SUSD1: variants seen among roughly 807,000 people sequenced by gnomAD.
SUSD1 encodes the protein sushi domain containing 1.
SUSD1 carries 65 observed loss-of-function variants against 86.9 expected under a neutral mutation model. That is an observed-to-expected ratio of 0.75 (90% CI 0.61 to 0.92). The LOEUF (loss-of-function observed/expected upper bound fraction) is 0.92. SUSD1 is among the 40% of genes least tolerant of loss of function. The pLI is 0.00. For missense variants in SUSD1, 850 were observed against 929.7 expected, an observed-to-expected ratio of 0.91 and a Z score of 1.11; for synonymous variants, 346 against 350.0, an observed-to-expected ratio of 0.99 and a Z score of 0.13.
At chr9:112,165,898 A>G (rs10622700) in intron 1 of SUSD1, among the ~76,000 whole-genome samples, 9,929 of 80,682 alleles carry the variant, frequency 0.12, 540 homozygotes, top group African/African-American at 0.13. Context: ...AGAAAGAAAG[A>G]AAGGAAGGAA....
intron 12 of SUSD1, among the ~76,000 whole-genome samples, chr9:112,070,396 G>A (rs1054945789): frequency 6.6e-6 from 1 of 152,186 alleles, no homozygotes; most frequent in African/African-American, 2.4e-5. Flanking sequence ...TTTCGAGGTG[G>A]AACAAACTTG....
chr9:112,143,442 A>G lies in SUSD1; in HGVS notation c.526+29T>C, dbSNP rs554237637. 1.9e-6 allele frequency: 3 copies of G among 1,608,524 alleles called. No homozygotes were observed. In the South Asian group the frequency reaches 3.3e-5, roughly 18 times the overall value. On this transcript the variant is annotated intron_variant, in intron 4 of 16. Transcript: ENST00000374270. Reference sequence around the variant, plus strand: ...TCACCATCAACAGAATTTCACGTTGAGATGCCGCAATTTTTGGCAGAAACC... The same window carrying G: ...TCACCATCAACAGAATTTCACGTTGGGATGCCGCAATTTTTGGCAGAAACC...
At chr9:112,108,220 G>T (rs1172073916) in intron 8 of SUSD1, among the ~76,000 whole-genome samples, 5 of 152,156 alleles carry the variant, frequency 3.3e-5, no homozygotes. Flanking sequence ...TAATTATTCT[G>T]TCAAACAGAA....
chr9:112,143,500 T>C lies in SUSD1; in HGVS notation c.497A>G (p.His166Arg). The C allele has an allele frequency of 6.2e-7, 1 of 1,613,902 alleles. No individual in the cohort carries two copies. Among genetic ancestry groups the C allele is most frequent in the Non-Finnish European group, 8.5e-7 (1 of 1,179,962 alleles). ...YLPRNGPEPFHPTTDATSCTE... is the reference protein window; with the variant it reads ...YLPRNGPEPFRPTTDATSCTE... ...GCATGATGTGGCATCGGTGGTCGGG[T>C]GGAAAGGTTCAGGTCCATTCCTTGG... Residue 166 changes from histidine (H) to arginine (R), a missense_variant, in exon 4 of 17, where the codon CAC (histidine) becomes CGC (arginine). His to Arg is a conservative substitution (Grantham distance 29). Coordinates refer to ENST00000374270, the MANE Select transcript of SUSD1 (RefSeq NM_022486.5).
intron 11 of SUSD1, among the ~76,000 whole-genome samples, chr9:112,079,137 C>CCTCT (rs372661148): frequency 6.7e-6 from 1 of 149,928 alleles, no homozygotes; most frequent in Non-Finnish European, 1.5e-5. Context: ...GAGCTTTCTT[C>CCTCT]CTCTCTCTCT....
intron 10 of SUSD1, among the ~76,000 whole-genome samples, 173 bp downstream of exon 10, chr9:112,098,297 G>A (rs1342902964): frequency 1.3e-5 from 2 of 152,098 alleles, no homozygotes; most frequent in African/African-American, 4.8e-5. Flanking sequence ...CAGGGAAGGG[G>A]ATAAGTGGTA....
chr9:112,056,095 T>C (rs952359328), intron 14 of SUSD1, among the ~76,000 whole-genome samples: 4 of 152,014 alleles, frequency 2.6e-5, no homozygotes, highest in African/African-American at 7.2e-5. Flanking sequence ...ACTCTATCTC[T>C]ACAAGAAATA....
chr9:112,156,282 T>C (rs368663385), intron 2 of SUSD1, among the ~76,000 whole-genome samples: 108 of 151,854 alleles, frequency 7.1e-4, no homozygotes, highest in African/African-American at 2.6e-3. Context: ...CCCAACATGG[T>C]GAAACCCAGT....
intron 3 of SUSD1, among the ~76,000 whole-genome samples, chr9:112,144,435 T>C (rs74567511): frequency 0.027 from 4,146 of 151,984 alleles, 203 homozygotes; most frequent in African/African-American, 0.096. Context: ...CCAATCATTA[T>C]AACAAAAGAA....
chr9:112,062,451 T>C (rs1323254326), intron 13 of SUSD1, among the ~76,000 whole-genome samples: 6 of 152,260 alleles, frequency 3.9e-5, no homozygotes, highest in Non-Finnish European at 5.9e-5. Flanking sequence ...TCCTAGCACT[T>C]TGGGAGGTTG....
intron 14 of SUSD1, among the ~76,000 whole-genome samples, chr9:112,053,214 T>C (rs568594879): frequency 2.1e-4 from 32 of 151,934 alleles, no homozygotes; most frequent in African/African-American, 6.5e-4. Flanking sequence ...AATTTAAGCT[T>C]AAAAATTCTG....
At chr9:112,159,693 T>C (rs952108569) in intron 1 of SUSD1, among the ~76,000 whole-genome samples, 16 of 152,210 alleles carry the variant, frequency 1.1e-4, no homozygotes, top group African/African-American at 3.1e-4. Flanking sequence ...AAAATTGAAA[T>C]GTTTAACACT....
chr9:112,050,718 C>G (rs1037685274), intron 15 of SUSD1, among the ~76,000 whole-genome samples: 2 of 152,194 alleles, frequency 1.3e-5, no homozygotes, highest in African/African-American at 4.8e-5. Context: ...AGGTCATAAA[C>G]TCAACAAGAT....
At chr9:112,103,792 C>G (rs972457321) in intron 8 of SUSD1, among the ~76,000 whole-genome samples, 2 of 152,166 alleles carry the variant, frequency 1.3e-5, no homozygotes, top group Non-Finnish European at 2.9e-5. Context: ...ACCCTAAGAC[C>G]TACTATGCAA....
intron 12 of SUSD1, among the ~76,000 whole-genome samples, chr9:112,074,998 A>C (rs1829455890): frequency 6.6e-6 from 1 of 152,154 alleles, no homozygotes; most frequent in Non-Finnish European, 1.5e-5. Context: ...CCTACCAAAC[A>C]AGGAGTAAGT....
intron 12 of SUSD1, among the ~76,000 whole-genome samples, chr9:112,063,759 C>T (rs960646012): frequency 4.6e-5 from 7 of 152,210 alleles, no homozygotes; most frequent in African/African-American, 1.4e-4. Context: ...TTGTGGGTAA[C>T]ACGCTAAGTA....
At chr9:112,093,544 T>C (rs1225318268) in intron 10 of SUSD1, among the ~76,000 whole-genome samples, 1 of 152,232 alleles carries the variant, frequency 6.6e-6, no homozygotes, top group Admixed American at 6.5e-5. Context: ...CCACAATAGC[T>C]AAACCTCATC....
Position 112,046,531 on chromosome 9 carries a change from C to A in SUSD1, c.2150-4571G>T, listed in dbSNP as rs78011436. 1.9e-3 allele frequency among the ~76,000 whole-genome samples: 295 copies of A among 152,270 alleles called. 3 individuals carry two copies. Among genetic ancestry groups the A allele is most frequent in the Admixed American group, 6.5e-3 (100 of 15,292 alleles). On this transcript the variant is annotated intron_variant, in intron 15 of 16. Transcript: ENST00000374270. ...GGGCCTTGCTGGACTTATCTTTAAC[C>A]CCTTCCCTGATAGAAATATCACATG...
chr9:112,134,200 A>G (rs1832157907), intron 5 of SUSD1, among the ~76,000 whole-genome samples: 1 of 152,248 alleles, frequency 6.6e-6, no homozygotes, highest in Non-Finnish European at 1.5e-5. Context: ...TCAATCCAGC[A>G]GTCCCATTAC....
Sources: allele counts gnomAD v4.1 joint callset (sites outside exome capture counted in the v4.1 genomes callset), GRCh38; gene constraint gnomAD v4.1.1; transcripts MANE v1.5; gene names NCBI Gene and HGNC (gene_info 2026-07-23, HGNC 2026-07-21).